The following ANKS1B variants were observed in gnomAD, a reference collection of about 807,000 sequenced individuals.
ANKS1B encodes the protein ankyrin repeat and sterile alpha motif domain-containing protein 1B.
A neutral mutation model predicts 148.3 loss-of-function variants in ANKS1B; 36 were observed. That is an observed-to-expected ratio of 0.24 (90% CI 0.19 to 0.32). The LOEUF (loss-of-function observed/expected upper bound fraction) is 0.32. Among genes scored for constraint, ANKS1B ranks in the 10% least tolerant of loss-of-function variants. ANKS1B has a pLI of 1.00. For synonymous variants in ANKS1B, 542 were observed against 560.8 expected, an observed-to-expected ratio of 0.97 and a Z score of 0.47; for missense variants, 1,157 against 1,542.6, an observed-to-expected ratio of 0.75 and a Z score of 4.19.
At chr12:99,429,379 C>A (rs193007121) in intron 11 of ANKS1B, among the ~76,000 whole-genome samples, 81 of 152,168 alleles carry the variant, frequency 5.3e-4, no homozygotes, top group African/African-American at 1.9e-3. Flanking sequence ...TCAGACAATC[C>A]AAATTGAGGA....
At chr12:99,780,861 C>T (rs1395223734) in intron 5 of ANKS1B, among the ~76,000 whole-genome samples, 3 of 152,104 alleles carry the variant, frequency 2.0e-5, no homozygotes, top group Admixed American at 1.3e-4. Flanking sequence ...GTCAAATACT[C>T]TATGATATTT....
At chr12:99,531,238 A>G (rs2096986805) in intron 9 of ANKS1B, among the ~76,000 whole-genome samples, 1 of 152,220 alleles carries the variant, frequency 6.6e-6, no homozygotes, top group East Asian at 1.9e-4. Context: ...TTTATAATCA[A>G]TATTTTTATT....
At chr12:98,756,852 C>T (rs541210420) in intron 25 of ANKS1B, among the ~76,000 whole-genome samples, 2 of 151,578 alleles carry the variant, frequency 1.3e-5, no homozygotes, top group East Asian at 2.0e-4. Flanking sequence ...CTCAGCCTCC[C>T]GAGTGGCTGG....
rs192916304 is a variant in ANKS1B, at chr12:99,517,329, G to C, written c.1273-12688C>G. On this transcript the variant is annotated intron_variant, in intron 9 of 26. Coordinates refer to ENST00000683438, the MANE Select transcript of ANKS1B (RefSeq NM_001352186.2). ...TCAGGTTGTTCACTGTTGGCATATA[G>C]AAATGCTACTGATTTTTGTATGTTG... Among the ~76,000 whole-genome samples the C allele has an allele frequency of 1.9e-3, 291 of 151,980 alleles. 6 individuals are homozygous for C. The highest frequency in any genetic ancestry group is 0.017 in the Admixed American group (265 of 15,272).
intron 11 of ANKS1B, among the ~76,000 whole-genome samples, chr12:99,440,831 T>C (rs1246954819): frequency 2.0e-5 from 3 of 151,794 alleles, no homozygotes; most frequent in Non-Finnish European, 4.4e-5. Context: ...TACATAAAGG[T>C]ATACAAGAGG....
intron 8 of ANKS1B, among the ~76,000 whole-genome samples, chr12:99,717,613 G>A (rs1413325881): frequency 6.6e-6 from 1 of 152,164 alleles, no homozygotes; most frequent in Non-Finnish European, 1.5e-5. Context: ...CTGGCCCAAG[G>A]CTCTCTGACT....
At chr12:99,670,582 T>A (rs2098533037) in intron 8 of ANKS1B, among the ~76,000 whole-genome samples, 1 of 152,144 alleles carries the variant, frequency 6.6e-6, no homozygotes, top group African/African-American at 2.4e-5. Context: ...AATATAAGTA[T>A]GTCATAAACT....
In ANKS1B at chr12:98,829,441, T is replaced by C. The variant is rs2099276399; in HGVS notation, c.2887-88A>G. On this transcript the variant is annotated intron_variant, in intron 18 of 26. Coordinates refer to ENST00000683438, the MANE Select transcript of ANKS1B (RefSeq NM_001352186.2). The surrounding 1 kb of genome is among the most constrained non-coding windows in gnomAD (Gnocchi z 5.2). ...TGTGAAATACTGACAAGACAAACTG[T>C]GGGGGTGGGGAGTCGCTTTTGAAGC... is the stretch of plus-strand genomic sequence containing the variant. 2.2e-6 allele frequency: 3 copies of C among 1,348,432 alleles called. No individual in the cohort carries two copies. The highest frequency in any genetic ancestry group is 2.0e-6 in the Non-Finnish European group (2 of 986,064). 83.5% of individuals were successfully genotyped at this position (1,348,432 alleles called of 1,614,324 possible).
At chr12:99,059,546 G>C (rs2041622541) in intron 16 of ANKS1B, among the ~76,000 whole-genome samples, 1 of 151,934 alleles carries the variant, frequency 6.6e-6, no homozygotes, top group South Asian at 2.1e-4. Context: ...AGAATGCAAT[G>C]GACTTTGTTT....
chr12:98,975,130 C>T (rs752753214), intron 17 of ANKS1B, among the ~76,000 whole-genome samples: 17 of 145,368 alleles, frequency 1.2e-4, no homozygotes, highest in Admixed American at 4.9e-4. Context: ...CTCTTTCCTT[C>T]CTCTCTTCTT....
intron 8 of ANKS1B, among the ~76,000 whole-genome samples, chr12:99,656,743 A>C (rs1292186133): frequency 6.9e-6 from 1 of 145,152 alleles, no homozygotes; most frequent in Non-Finnish European, 1.6e-5. Context: ...AATACTTAGC[A>C]GACTCAATTT....
intron 17 of ANKS1B, among the ~76,000 whole-genome samples, chr12:98,952,553 T>C (rs2099855693): frequency 6.6e-6 from 1 of 152,224 alleles, no homozygotes; most frequent in East Asian, 1.9e-4. Context: ...GCCCTGTCTG[T>C]CTGTGACCTT....
rs375170007 is a variant in ANKS1B at position 99,085,670 on chromosome 12, A to G, written c.2527-647T>C. On this transcript the variant is annotated intron_variant, in intron 15 of 26. Transcript: ENST00000683438. ...AAATGTGGTACATATACACCATGGA[A>G]TACTGTGCAGCCATAGAAAAGAATG... Among the ~76,000 whole-genome samples the G allele has an allele frequency of 4.6e-5, 7 of 152,352 alleles. No homozygotes were observed. In the East Asian group the frequency reaches 1.3e-3, roughly 29 times the overall value.
intron 20 of ANKS1B, among the ~76,000 whole-genome samples, chr12:98,806,714 T>A (rs1464943598): frequency 1.3e-5 from 2 of 152,320 alleles, no homozygotes; most frequent in East Asian, 3.9e-4. Flanking sequence ...AGTTGTTCTT[T>A]CAAAAAATCT....
At chr12:99,401,206 G>T (rs2094394735) in intron 11 of ANKS1B, among the ~76,000 whole-genome samples, 2 of 145,860 alleles carry the variant, frequency 1.4e-5, no homozygotes, top group South Asian at 4.2e-4. Flanking sequence ...AAAAGATCAG[G>T]GTTTAATGTC....
chr12:98,884,112 C>T (rs1284443580), intron 17 of ANKS1B, among the ~76,000 whole-genome samples: 2 of 152,090 alleles, frequency 1.3e-5, no homozygotes, highest in African/African-American at 4.8e-5. Context: ...AAATCTGTAT[C>T]ACCTTCAAAT....
chr12:99,374,279 C>T (rs1189154927), intron 12 of ANKS1B, among the ~76,000 whole-genome samples: 1 of 152,048 alleles, frequency 6.6e-6, no homozygotes, highest in African/African-American at 2.4e-5. Flanking sequence ...AAATCTATTC[C>T]CAGTTAGAGC....
At chr12:99,825,509 G>T in intron 1 of ANKS1B, 120 bp from the exon 2 acceptor site, 1 of 653,602 alleles carries the variant, frequency 1.5e-6, no homozygotes. Context: ...TTAGCCATGT[G>T]GAAAATGATT....
chr12:99,708,506 G>A lies in ANKS1B; in HGVS notation c.1129-53296C>T, dbSNP rs1269354649. ...GGGCTAAAGTCAAGGTGCCACAAGG[G>A]CTGCCTCCTCTAGAGGATCTGGGAA... is the stretch of plus-strand genomic sequence containing the variant. On this transcript the variant is annotated intron_variant, in intron 8 of 26. Transcript: ENST00000683438. Among the ~76,000 whole-genome samples the A allele has an allele frequency of 3.9e-5, 6 of 152,230 alleles. No individual in the cohort carries two copies. In the East Asian group the frequency reaches 9.7e-4, roughly 24 times the overall value.
Sources: gnomAD v4.1 joint callset for allele counts (sites outside exome capture counted in the v4.1 genomes callset) on GRCh38, gnomAD v4.1.1 for gene constraint, Gnocchi (gnomAD v3.1) non-coding constraint, MANE v1.5 for transcripts, NCBI Gene and HGNC (gene_info 2026-07-23, HGNC 2026-07-21) for gene names.